MORC4: variants seen among roughly 807,000 people sequenced by gnomAD.
MORC4 encodes MORC family CW-type zinc finger 4, also known as MORC family CW-type zinc finger protein 4.
MORC4 carries 22 observed loss-of-function variants against 65.5 expected under a neutral mutation model. The observed-to-expected ratio is 0.34, with a 90% CI of 0.24 to 0.48. The LOEUF is 0.48. Among genes scored for constraint, MORC4 ranks in the 20% least tolerant of loss-of-function variants. MORC4 has a pLI of 0.99. For synonymous variants in MORC4, 267 were observed against 255.8 expected, an observed-to-expected ratio of 1.04 and a Z score of -0.42; for missense variants, 624 against 703.0, an observed-to-expected ratio of 0.89 and a Z score of 1.27.
intron 5 of MORC4, among the ~76,000 whole-genome samples, chrX:106,984,812 T>C (rs1267878337): frequency 5.5e-5 from 6 of 109,206 alleles, no homozygotes; most frequent in African/African-American, 2.0e-4. Flanking sequence ...TACATAAAAG[T>C]ATGCAATGAG....
intron 5 of MORC4, among the ~76,000 whole-genome samples, chrX:106,982,545 A>G (rs1336587769): frequency 4.5e-5 from 5 of 111,696 alleles, no homozygotes; most frequent in Non-Finnish European, 9.4e-5. Context: ...ATATGCCCTG[A>G]GGAGATTCTC....
intron 3 of MORC4, among the ~76,000 whole-genome samples, chrX:106,987,172 A>G (rs1260292094): frequency 9.0e-6 from 1 of 111,153 alleles, no homozygotes; most frequent in Non-Finnish European, 1.9e-5. Context: ...CAGGGTGACT[A>G]TAATTAGCAA....
chrX:106,982,248 C>T (rs1339315374), intron 5 of MORC4, among the ~76,000 whole-genome samples: 1 of 112,267 alleles, frequency 8.9e-6, no homozygotes, highest in Non-Finnish European at 1.9e-5. Flanking sequence ...AGTAATCTCA[C>T]AAGATACTCT....
In MORC4 at chrX:106,942,587, C is replaced by G; in HGVS notation, c.2304G>C (p.Glu768Asp). 1.7e-6 allele frequency: 2 copies of G among 1,211,339 alleles called. No homozygotes were observed. Among genetic ancestry groups the G allele is most frequent in the Admixed American group, 4.4e-5 (2 of 45,969 alleles). The part of the protein sequence containing the change: ...HNTPKLKNQR[E>D]LEELKRTTEK... ...CTGTGGTTCTCTTCAATTCTTCCAG[C>G]TCTCTCTGGTTCTTCAACTTTGGTG... The change falls in exon 15 of 17, where the codon GAG becomes GAC. Residue 768 changes from glutamate (E) to aspartate (D), a missense_variant. Coordinates refer to ENST00000355610, the MANE Select transcript of MORC4 (RefSeq NM_024657.5).
intron 2 of MORC4, among the ~76,000 whole-genome samples, chrX:106,994,006 T>C (rs539571364): frequency 8.9e-6 from 1 of 112,395 alleles, no homozygotes; most frequent in South Asian, 3.7e-4. Context: ...TTAGGTATTT[T>C]GTAATAGTTT....
rs1933737714 is a variant in MORC4 at position 106,943,100 on chromosome X, C to T, written c.1791G>A (p.Arg597=). Residue 597 remains arginine, a synonymous_variant, in exon 15 of 17, where the codon AGG becomes AGA. Transcript: ENST00000355610. ...SLDYSMPAPY[R]RVEAPVAYPE... ...GGTAGGCAACAGGTGCTTCTACCCTCCTGTAAGGAGCAGGCATGGAATAAT... is the reference window on the plus strand; with the variant it reads ...GGTAGGCAACAGGTGCTTCTACCCTTCTGTAAGGAGCAGGCATGGAATAAT... The T allele has an allele frequency of 2.5e-6, 3 of 1,208,867 alleles. No individual in the cohort carries two copies. Among genetic ancestry groups the T allele is most frequent in the Admixed American group, 4.4e-5 (2 of 45,760 alleles).
Position 106,978,318 on chromosome X carries a change from C to T in MORC4, c.937-119G>A, listed in dbSNP as rs773297041. On this transcript the variant is annotated intron_variant, in intron 7 of 16. Coordinates refer to ENST00000355610, the MANE Select transcript of MORC4 (RefSeq NM_024657.5). ...GACATAAATTGGTACAACCTTTTTG[C>T]GGGCATTTAAACATCTGTTGCAATA... 5.2e-5 allele frequency: 35 copies of T among 669,925 alleles called. No homozygotes were observed. The Admixed American group carries it at 1.0e-3, about 20-fold the overall frequency. The allele number at this position is 669,925 out of a possible 1,213,427, so 55.2% of individuals were successfully genotyped here. A position where few individuals can be genotyped will look rare whatever the true frequency, so the allele number is the denominator to read the frequency against.
chrX:106,977,871 T>C (rs1229429272), intron 8 of MORC4, among the ~76,000 whole-genome samples: 2 of 111,395 alleles, frequency 1.8e-5, no homozygotes, highest in Non-Finnish European at 3.8e-5. Context: ...TTCAGTAAAG[T>C]TGTTGGGTTG....
intron 2 of MORC4, among the ~76,000 whole-genome samples, chrX:106,994,733 A>G (rs1336079767): frequency 9.0e-6 from 1 of 111,523 alleles, no homozygotes; most frequent in African/African-American, 3.3e-5. Flanking sequence ...AGCATCACCA[A>G]TAGTCCCAGA....
At chrX:106,978,429 G>A (rs188704189) in intron 7 of MORC4, among the ~76,000 whole-genome samples, 6 of 111,004 alleles carry the variant, frequency 5.4e-5, no homozygotes, top group East Asian at 2.8e-4. Flanking sequence ...GCCCACAAAC[G>A]TTAAGGAATT....
intron 8 of MORC4, among the ~76,000 whole-genome samples, chrX:106,977,534 A>G (rs919903064): frequency 1.8e-5 from 2 of 111,827 alleles, no homozygotes; most frequent in South Asian, 7.5e-4. Context: ...ATTTTCACAT[A>G]ATTTATCCCA....
chrX:106,964,653 G>T (rs1934330459), intron 9 of MORC4, among the ~76,000 whole-genome samples: 1 of 111,534 alleles, frequency 9.0e-6, no homozygotes, highest in African/African-American at 3.3e-5. Context: ...TTACATTCAA[G>T]GAATCCTTGA....
At chrX:106,952,505 T>C (rs990287671) in intron 14 of MORC4, among the ~76,000 whole-genome samples, 1 of 112,571 alleles carries the variant, frequency 8.9e-6, no homozygotes. Context: ...CGATTATACA[T>C]GTAGGATGAA....
intron 8 of MORC4, 122 bp downstream of exon 8, chrX:106,977,958 G>A: frequency 5.4e-6 from 4 of 736,447 alleles, no homozygotes; most frequent in Non-Finnish European, 8.0e-6. Context: ...TCCAGGATCA[G>A]AATTCAATAA....
At chrX:106,972,507 G>A (rs552619138) in intron 9 of MORC4, among the ~76,000 whole-genome samples, 3 of 111,470 alleles carry the variant, frequency 2.7e-5, no homozygotes, top group African/African-American at 9.8e-5. Context: ...GATCTCCATA[G>A]CCATCTCAGC....
chrX:106,994,377 C>T (rs777237464), intron 2 of MORC4, among the ~76,000 whole-genome samples: 1 of 111,739 alleles, frequency 8.9e-6, no homozygotes, highest in South Asian at 3.8e-4. Context: ...CCTTCCCTTC[C>T]ACCCTCTTCC....
rs2147818891 is a variant in MORC4 at position 106,976,675 on chromosome X, C to T, written c.1066G>A (p.Gly356Arg). 1 of 1,193,560 alleles carries T rather than the reference C, an allele frequency of 8.4e-7. No homozygotes were observed. Among genetic ancestry groups the T allele is most frequent in the South Asian group, 1.8e-5 (1 of 55,724 alleles). The change falls in exon 9 of 17, where the codon GGA becomes AGA. Residue 356 changes from glycine (G) to arginine (R), a missense_variant. Transcript: ENST00000355610. The part of the protein sequence containing the change: ...KVGCQVKPTR[G>R]EGVGVIGVIE... ...ACTCCAATTACTCCTACACCTTCTC[C>T]ACGAGTTGGCTTAGAAGAAAATATT... is the stretch of plus-strand genomic sequence containing the variant.
At chrX:106,956,208 TTC>T (rs1934101470) in intron 13 of MORC4, among the ~76,000 whole-genome samples, 1 of 111,777 alleles carries the variant, frequency 8.9e-6, no homozygotes, top group African/African-American at 3.3e-5. Context: ...ACCCTGAATA[TTC>T]TGTGACATTG....
chrX:106,955,119 C>T (rs763341214), intron 13 of MORC4, 31 bp from the exon 14 acceptor site: 41 of 1,097,124 alleles, frequency 3.7e-5, no homozygotes, highest in Non-Finnish European at 4.9e-5. Flanking sequence ...TTGTAAAAGT[C>T]TCAAATTCAA....
Sources: gnomAD v4.1 joint callset for allele counts (sites outside exome capture counted in the v4.1 genomes callset) on GRCh38, gnomAD v4.1.1 for gene constraint, MANE v1.5 for transcripts, NCBI Gene and HGNC (gene_info 2026-07-23, HGNC 2026-07-21) for gene names.